The following BEND5 variants were observed in gnomAD, a reference collection of about 807,000 sequenced individuals.
The protein encoded by BEND5 is BEN domain-containing protein 5.
In BEND5, 22 loss-of-function variants were observed where a neutral mutation model predicts 43.9. That is an observed-to-expected ratio of 0.50 (90% confidence interval 0.36 to 0.72). The LOEUF is 0.72. BEND5 is among the 30% of genes least tolerant of loss of function. BEND5 has a pLI of 0.00. For synonymous variants in BEND5, 228 were observed against 225.9 expected, an observed-to-expected ratio of 1.01 and a Z score of -0.08; for missense variants, 428 against 550.6, an observed-to-expected ratio of 0.78 and a Z score of 2.23.
In BEND5 at chr1:48,754,088, G is replaced by A. The variant is rs186335168; in HGVS notation, c.745+4812C>T. Among the ~76,000 whole-genome samples the A allele has an allele frequency of 4.0e-3, 603 of 152,186 alleles. 1 individual carries two copies. Among genetic ancestry groups the A allele is most frequent in the African/African-American group, 0.014 (571 of 41,520 alleles). ...AGTCTTATTTGAACTAATGTTACCC[G>A]AGTCACACCACAATGAATTATACTG... On this transcript the variant is annotated intron_variant, in intron 3 of 5. Coordinates refer to ENST00000371833, the MANE Select transcript of BEND5 (RefSeq NM_024603.4).
intron 3 of BEND5, among the ~76,000 whole-genome samples, chr1:48,749,528 G>C (rs1339113138): frequency 6.6e-6 from 1 of 152,174 alleles, no homozygotes; most frequent in African/African-American, 2.4e-5. Context: ...AGATTCCAAA[G>C]ACAGCTCTTT....
Position 48,736,513 on chromosome 1 carries a change from T to C in BEND5, c.895-61A>G. The C allele has an allele frequency of 7.0e-7, 1 of 1,420,402 alleles. No homozygotes were observed. Among genetic ancestry groups the C allele is most frequent in the Non-Finnish European group, 9.8e-7 (1 of 1,015,876 alleles). The allele number at this position is 1,420,402 out of a possible 1,614,324, so 88.0% of individuals were successfully genotyped here. ...CGACAGGAGGGCAGTGGGAGGCTTCTCTTGTCCTTTAAAAAGCATTGCTGC... is the reference window on the plus strand; with the variant it reads ...CGACAGGAGGGCAGTGGGAGGCTTCCCTTGTCCTTTAAAAAGCATTGCTGC... On this transcript the variant is annotated intron_variant, in intron 4 of 5. Transcript: ENST00000371833. The surrounding 1 kb of genome is among the most constrained non-coding windows in gnomAD (Gnocchi z 4.0).
chr1:48,761,178 C>T (rs1270806480), intron 2 of BEND5, 159 bp downstream of exon 2: 1 of 795,310 alleles, frequency 1.3e-6, no homozygotes, highest in Non-Finnish European at 1.9e-6. Flanking sequence ...AAGGCAAATA[C>T]ACACGAGTTG....
At chr1:48,766,268 A>G (rs936218896) in intron 1 of BEND5, among the ~76,000 whole-genome samples, 2 of 152,156 alleles carry the variant, frequency 1.3e-5, no homozygotes, top group African/African-American at 2.4e-5. Context: ...CTCTCCTCCT[A>G]AAGTCACCCA....
chr1:48,776,772 G>A lies in BEND5; in HGVS notation c.60C>T (p.Cys20=), dbSNP rs764508902. The A allele has an allele frequency of 6.6e-7, 1 of 1,524,758 alleles. No individual in the cohort carries two copies. Among genetic ancestry groups the A allele is most frequent in the Non-Finnish European group, 8.8e-7 (1 of 1,136,590 alleles). The allele number at this position is 1,524,758 out of a possible 1,614,324, so 94.5% of individuals were successfully genotyped here. Residue 20 remains cysteine, a synonymous_variant, in exon 1 of 6, where the codon TGC becomes TGT. Coordinates refer to ENST00000371833, the MANE Select transcript of BEND5 (RefSeq NM_024603.4). The part of the protein sequence containing the change: ...DNVCYALPVS[C]VRDFSPRSRL... Reference sequence around the variant, plus strand: ...GCGAGCGGGGGCTGAAGTCGCGCACGCACGACACGGGCAGCGCGTAGCAGA... The same window carrying A: ...GCGAGCGGGGGCTGAAGTCGCGCACACACGACACGGGCAGCGCGTAGCAGA...
At chr1:48,771,043 G>A (rs540139828) in intron 1 of BEND5, among the ~76,000 whole-genome samples, 2 of 152,310 alleles carry the variant, frequency 1.3e-5, no homozygotes, top group South Asian at 4.1e-4. Context: ...TGTAGAATAT[G>A]TGCACTGAAC....
chr1:48,736,281 G>C lies in BEND5; in HGVS notation c.1066C>G (p.Pro356Ala). Residue 356 changes from proline (P) to alanine (A), a missense_variant, in exon 5 of 6, where the codon CCT (proline) becomes GCT (alanine). Pro to Ala is a conservative substitution (Grantham distance 27). Around this residue, in one of 4 missense-constraint regions of BEND5, gnomAD observed 75 missense variants for 148.5 expected, o/e 0.50. Coordinates refer to ENST00000371833, the MANE Select transcript of BEND5 (RefSeq NM_024603.4). The surrounding 1 kb of genome is among the most constrained non-coding windows in gnomAD (Gnocchi z 4.0). ...VATKKKKDAV[P>A]KPPLSPHKLS... ...TTGTGAGGCGAGAGGGGTGGTTTAG[G>C]GACTGCATCTTTCTTTTTTTTTGTG... The C allele has an allele frequency of 5.6e-6, 9 of 1,614,140 alleles. No individual in the cohort carries two copies. Among genetic ancestry groups the C allele is most frequent in the Non-Finnish European group, 7.6e-6 (9 of 1,180,016 alleles).
At chr1:48,737,653 C>G (rs1310887944) in intron 4 of BEND5, among the ~76,000 whole-genome samples, 1 of 152,140 alleles carries the variant, frequency 6.6e-6, no homozygotes, top group Non-Finnish European at 1.5e-5. Flanking sequence ...CAGTGCAGAG[C>G]CAATAAGACC....
chr1:48,751,572 A>G (rs1651734983), intron 3 of BEND5, among the ~76,000 whole-genome samples: 1 of 152,168 alleles, frequency 6.6e-6, no homozygotes, highest in African/African-American at 2.4e-5. Context: ...GTCTGGCCCA[A>G]AGCAGGTATT....
At chr1:48,768,648 T>G (rs1449241217) in intron 1 of BEND5, among the ~76,000 whole-genome samples, 1 of 152,218 alleles carries the variant, frequency 6.6e-6, no homozygotes, top group Non-Finnish European at 1.5e-5. Flanking sequence ...AACTTCCATT[T>G]GACATATAAT....
intron 1 of BEND5, among the ~76,000 whole-genome samples, chr1:48,771,993 TG>T (rs1644859408): frequency 6.6e-6 from 1 of 152,234 alleles, no homozygotes; most frequent in South Asian, 2.1e-4. Flanking sequence ...AACAAGCTGC[TG>T]CTGCAGAGGT....
At chr1:48,733,197 G>T (rs915878083) in intron 5 of BEND5, among the ~76,000 whole-genome samples, 1 of 152,140 alleles carries the variant, frequency 6.6e-6, no homozygotes, top group Non-Finnish European at 1.5e-5. Context: ...CTTTGCTTTT[G>T]TAAGAAATGA....
At chr1:48,756,002 G>C (rs1481120445) in intron 3 of BEND5, among the ~76,000 whole-genome samples, 1 of 152,158 alleles carries the variant, frequency 6.6e-6, no homozygotes, top group Non-Finnish European at 1.5e-5. Context: ...GGGGGTGCCC[G>C]AGTTAAAAGC....
chr1:48,755,608 G>A (rs1652429054), intron 3 of BEND5, among the ~76,000 whole-genome samples: 1 of 152,140 alleles, frequency 6.6e-6, no homozygotes, highest in African/African-American at 2.4e-5. Flanking sequence ...GTCAAACAAG[G>A]GTCTCTCATT....
chr1:48,772,457 C>T (rs967007134), intron 1 of BEND5, among the ~76,000 whole-genome samples: 2 of 152,204 alleles, frequency 1.3e-5, no homozygotes, highest in Middle Eastern at 3.4e-3. Flanking sequence ...ATGATTAATC[C>T]ACCTTGGCTG....
In BEND5 at chr1:48,745,439, G is replaced by A. The variant is rs75757124; in HGVS notation, c.746-2668C>T. Among the ~76,000 whole-genome samples, 122 of 152,272 alleles carry A rather than the reference G, an allele frequency of 8.0e-4. 4 individuals are homozygous for A. The East Asian group carries it at 0.02, about 25-fold the overall frequency. On this transcript the variant is annotated intron_variant, in intron 3 of 5. Coordinates refer to ENST00000371833, the MANE Select transcript of BEND5 (RefSeq NM_024603.4). ...CACTGTCTACAGAGGGACAGCTAAC[G>A]GACATCAGAGGGAGCAGGGGTTGAA...
At chr1:48,734,590 C>T (rs1311432362) in intron 5 of BEND5, among the ~76,000 whole-genome samples, 2 of 152,224 alleles carry the variant, frequency 1.3e-5, no homozygotes, top group Non-Finnish European at 2.9e-5. Flanking sequence ...TTCTACATCC[C>T]AGCCATCTGG....
Position 48,776,839 on chromosome 1 carries a change from GCCGGGGGCGGGCC to G in BEND5, c.-21_-9del, listed in dbSNP as rs1645118673. 1.3e-6 allele frequency: 2 copies of G among 1,495,436 alleles called. No homozygotes were observed. The highest frequency in any genetic ancestry group is 2.4e-5 in the Admixed American group (1 of 41,848). The allele number at this position is 1,495,436 out of a possible 1,614,324, so 92.6% of individuals were successfully genotyped here. On this transcript the variant is annotated 5_prime_UTR_variant, in exon 1 of 6. Coordinates refer to ENST00000371833, the MANE Select transcript of BEND5 (RefSeq NM_024603.4). ...CCGCACAAAGGCGTACATGGTGGGCGCCGGGGGCGGGCCCCGGTCGGGCAGCTCAGCCCGCGGG... is the reference window on the plus strand; with the variant it reads ...CCGCACAAAGGCGTACATGGTGGGCGCCGGTCGGGCAGCTCAGCCCGCGGG...
chr1:48,773,019 C>A (rs1373498592), intron 1 of BEND5, among the ~76,000 whole-genome samples: 1 of 152,118 alleles, frequency 6.6e-6, no homozygotes, highest in Middle Eastern at 3.2e-3. Flanking sequence ...AAAGTCAACG[C>A]CTGCCACCCC....
Sources: gnomAD v4.1 joint callset for allele counts (sites outside exome capture counted in the v4.1 genomes callset) on GRCh38, gnomAD v4.1.1 for gene constraint, gnomAD v4.1.1 regional missense constraint, Gnocchi (gnomAD v3.1) non-coding constraint, MANE v1.5 for transcripts, NCBI Gene and HGNC (gene_info 2026-07-23, HGNC 2026-07-21) for gene names.